Variants in SMIM20 observed in about 807,000 individuals in gnomAD.
SMIM20 encodes the protein mitochondrial translation regulation assembly intermediate of cytochrome c oxidase protein of 7 kDa.
In SMIM20, 3 loss-of-function variants were observed where a neutral mutation model predicts 8.7. The observed-to-expected ratio is 0.34, with a 90% CI of 0.16 to 0.89. The LOEUF (loss-of-function observed/expected upper bound fraction) is 0.89. SMIM20 is among the 40% of genes least tolerant of loss of function. The pLI, the probability that SMIM20 is intolerant of heterozygous loss-of-function variation, is 0.49. For missense variants in SMIM20, 85 were observed against 84.8 expected, an observed-to-expected ratio of 1.00 and a Z score of -0.01; for synonymous variants, 44 against 33.6, an observed-to-expected ratio of 1.31 and a Z score of -1.07.
chr4:25,918,183 C>T (rs971016089), intron 1 of SMIM20, among the ~76,000 whole-genome samples: 2 of 152,006 alleles, frequency 1.3e-5, no homozygotes, highest in Non-Finnish European at 2.9e-5. Flanking sequence ...ACCTCGTGAT[C>T]CGCCTGCCTC....
Position 25,914,243 on chromosome 4 carries a change from C to G in SMIM20, c.-71C>G, listed in dbSNP as rs1375142290. On this transcript the variant is annotated 5_prime_UTR_variant, in exon 1 of 3. Transcript: ENST00000506197. ...ACCTCTTCCGAGCGGGGTCACGGCC[C>G]GGCCGTCGGTAACCTGGTTTCCGAG... The G allele has an allele frequency of 6.6e-7, 1 of 1,509,532 alleles. No individual in the cohort carries two copies. Among genetic ancestry groups the G allele is most frequent in the Non-Finnish European group, 8.9e-7 (1 of 1,122,654 alleles). 93.5% of individuals were successfully genotyped at this position (1,509,532 alleles called of 1,614,324 possible).
chr4:25,915,646 G>A (rs1325318465), intron 1 of SMIM20, among the ~76,000 whole-genome samples: 2 of 152,098 alleles, frequency 1.3e-5, no homozygotes, highest in African/African-American at 2.4e-5. Context: ...GAAGCCCTGC[G>A]GGATCTGTTT....
At position 25,917,950 on chromosome 4, in the gene SMIM20, T is replaced by G. The variant is rs573335419; in HGVS notation, c.109+3528T>G. ...ACAGGTCAGTTTTTTTTTTTTGTTT[T>G]TTTTTTTTTTGAGACAGAGTCTCGC... On this transcript the variant is annotated intron_variant, in intron 1 of 2. Transcript: ENST00000506197. Among the ~76,000 whole-genome samples the G allele has an allele frequency of 2.7e-4, 40 of 149,890 alleles. No homozygotes were observed. In the East Asian group the frequency reaches 3.3e-3, roughly 12 times the overall value.
At chr4:25,922,130 A>G (rs1475118250) in intron 1 of SMIM20, among the ~76,000 whole-genome samples, 1 of 152,208 alleles carries the variant, frequency 6.6e-6, no homozygotes, top group Non-Finnish European at 1.5e-5. Context: ...GACTATTTAT[A>G]GATGTTTAGC....
chr4:25,922,648 A>C (rs1577361529), intron 1 of SMIM20, among the ~76,000 whole-genome samples: 1 of 152,038 alleles, frequency 6.6e-6, no homozygotes, highest in African/African-American at 2.4e-5. Flanking sequence ...CATACATTTC[A>C]TTCCCCAGGA....
At chr4:25,917,019 C>T (rs571517198) in intron 1 of SMIM20, among the ~76,000 whole-genome samples, 5 of 152,044 alleles carry the variant, frequency 3.3e-5, no homozygotes, top group African/African-American at 4.8e-5. Flanking sequence ...GATAACAGCC[C>T]TTTGTGGCAG....
At chr4:25,926,680 C>A (rs941691719) in intron 1 of SMIM20, among the ~76,000 whole-genome samples, 100 of 152,236 alleles carry the variant, frequency 6.6e-4, no homozygotes, top group Admixed American at 2.0e-4. Flanking sequence ...AGTCTGCCAG[C>A]TTCTTTTGCC....
intron 1 of SMIM20, among the ~76,000 whole-genome samples, chr4:25,924,669 ACT>A (rs1446422103): frequency 6.6e-6 from 1 of 152,170 alleles, no homozygotes; most frequent in Non-Finnish European, 1.5e-5. Context: ...TATAATTATT[ACT>A]GTTATTTTGT....
chr4:25,914,469 A>C, intron 1 of SMIM20, 47 bp downstream of exon 1: 3 of 1,399,224 alleles, frequency 2.1e-6, no homozygotes, highest in East Asian at 2.7e-5. Context: ...CCCAACACAC[A>C]CACCTCCCCT....
At chr4:25,929,056 A>G (rs1276460513) in intron 2 of SMIM20, 98 bp from the exon 3 acceptor site, 4 of 1,417,578 alleles carry the variant, frequency 2.8e-6, no homozygotes, top group Non-Finnish European at 3.9e-6. Context: ...TGTAAATTGC[A>G]CAGCTCAGTT....
At chr4:25,925,272 T>G (rs1719270686) in intron 1 of SMIM20, among the ~76,000 whole-genome samples, 1 of 152,204 alleles carries the variant, frequency 6.6e-6, no homozygotes, top group Non-Finnish European at 1.5e-5. Context: ...AGTTTTGCTC[T>G]TGCGCCCAGG....
chr4:25,916,264 G>A (rs1009965536), intron 1 of SMIM20, among the ~76,000 whole-genome samples: 3 of 151,936 alleles, frequency 2.0e-5, no homozygotes, highest in Non-Finnish European at 4.4e-5. Flanking sequence ...AGGCTGGAGT[G>A]CAGTGGCCTG....
chr4:25,919,096 G>A (rs1161148100), intron 1 of SMIM20, among the ~76,000 whole-genome samples: 2 of 147,630 alleles, frequency 1.4e-5, no homozygotes, highest in Non-Finnish European at 3.0e-5. Context: ...AGTAGAGACG[G>A]GGTTTCACCT....
chr4:25,922,553 GTCCTCC>G (rs1719218558), intron 1 of SMIM20, among the ~76,000 whole-genome samples: 1 of 152,136 alleles, frequency 6.6e-6, no homozygotes, highest in Non-Finnish European at 1.5e-5. Context: ...ACCGTGGAAG[GTCCTCC>G]TGGGTTTGCT....
chr4:25,927,920 T>A (rs1313431412), intron 1 of SMIM20, among the ~76,000 whole-genome samples: 1 of 152,384 alleles, frequency 6.6e-6, no homozygotes, highest in East Asian at 1.9e-4. Context: ...TTTAGACATA[T>A]AAACTACATC....
rs1401066786 is a variant in SMIM20 at position 25,914,375 on chromosome 4, C to T, written c.62C>T (p.Ala21Val). The T allele has an allele frequency of 3.2e-6, 5 of 1,545,960 alleles. No homozygotes were observed. The highest frequency in any genetic ancestry group is 4.4e-6 in the Non-Finnish European group (5 of 1,143,704). ...FGGFISLIGA[A>V]FYPIYFRPLM... ...GGCTTCATCTCCCTGATCGGCGCCG[C>T]CTTCTATCCCATCTACTTCCGGCCC... The change falls in exon 1 of 3, where the codon GCC becomes GTC. Residue 21 changes from alanine (A) to valine (V), a missense_variant. Ala to Val is a moderately conservative substitution (Grantham distance 64). Coordinates refer to ENST00000506197, the MANE Select transcript of SMIM20 (RefSeq NM_001145432.3).
chr4:25,926,032 G>A (rs892049179), intron 1 of SMIM20, among the ~76,000 whole-genome samples: 2 of 152,134 alleles, frequency 1.3e-5, no homozygotes, highest in African/African-American at 4.8e-5. Context: ...CCATATTTGG[G>A]TTTAAATTAT....
Position 25,929,425 on chromosome 4 carries a change from T to G in SMIM20, c.*234T>G, listed in dbSNP as rs1711590664. The G allele has an allele frequency of 2.1e-6, 1 of 486,800 alleles. No homozygotes were observed. Among genetic ancestry groups the G allele is most frequent in the African/African-American group, 2.0e-5 (1 of 50,456 alleles). 30.2% of individuals were successfully genotyped at this position (486,800 alleles called of 1,614,324 possible). On this transcript the variant is annotated 3_prime_UTR_variant, in exon 3 of 3. Transcript: ENST00000506197. ...CATTAGGAAGGTTTTCATGATTCAG[T>G]TGATTTTCCAAAAATGAAGCTATCT...
chr4:25,917,821 C>T (rs1719116715), intron 1 of SMIM20, among the ~76,000 whole-genome samples: 1 of 151,978 alleles, frequency 6.6e-6, no homozygotes, highest in Non-Finnish European at 1.5e-5. Flanking sequence ...TTTCTGGTGA[C>T]TTTTGGTTGC....
Sources: gnomAD v4.1 joint callset for allele counts (sites outside exome capture counted in the v4.1 genomes callset) on GRCh38, gnomAD v4.1.1 for gene constraint, MANE v1.5 for transcripts, NCBI Gene and HGNC (gene_info 2026-07-23, HGNC 2026-07-21) for gene names.